SULF1: variants seen among roughly 807,000 people sequenced by gnomAD.
The protein encoded by SULF1 is sulfatase 1, also known as extracellular sulfatase Sulf-1.
Under a neutral mutation model 110.5 loss-of-function variants are expected in SULF1, and 46 were observed. The ratio of observed to expected loss-of-function variants is 0.42; its 90% CI spans 0.33 to 0.53. The LOEUF is 0.53. Among genes scored for constraint, SULF1 ranks in the 20% least tolerant of loss-of-function variants. The pLI is 0.12. For missense variants in SULF1, 941 were observed against 1,094.2 expected, an observed-to-expected ratio of 0.86 and a Z score of 1.98; for synonymous variants, 371 against 387.1, an observed-to-expected ratio of 0.96 and a Z score of 0.49.
At chr8:69,623,050 T>C (rs892981720) in intron 14 of SULF1, among the ~76,000 whole-genome samples, 9 of 152,180 alleles carry the variant, frequency 5.9e-5, no homozygotes, top group African/African-American at 1.9e-4. Context: ...CATCTAGTGT[T>C]TGTGCATTAA....
At chr8:69,633,984 G>A (rs7831688) in intron 19 of SULF1, among the ~76,000 whole-genome samples, 81,133 of 152,026 alleles carry the variant, frequency 0.53, 22,287 homozygotes, top group Middle Eastern at 0.6. Context: ...TTTGGGTTCC[G>A]TGGTTTTTAA....
At chr8:69,648,154 CAA>C (rs1196458576) in intron 22 of SULF1, among the ~76,000 whole-genome samples, 2 of 137,198 alleles carry the variant, frequency 1.5e-5, no homozygotes, top group East Asian at 2.1e-4. Context: ...AAAAAAAAAA[CAA>C]AGAGCTCAGC....
intron 22 of SULF1, among the ~76,000 whole-genome samples, chr8:69,650,163 T>A (rs1260259809): frequency 3.3e-5 from 5 of 151,586 alleles, no homozygotes; most frequent in Non-Finnish European, 7.4e-5. Flanking sequence ...ACTCAGCTAA[T>A]TTTTAAAAAT....
chr8:69,658,530 G>A lies in SULF1; in HGVS notation c.2611G>A (p.Gly871Ser). Residue 871 changes from glycine (G) to serine (S), a missense_variant, in exon 23 of 23, where the codon GGT becomes AGT. Transcript: ENST00000402687. ...HRGQLWDGWE[G>S] is the part of the protein sequence containing the mutation. ...AGGACAGTTATGGGATGGATGGGAA[G>A]GTTAATCAGCCCCGTCTCACTGCAG... 6.2e-7 allele frequency: 1 copy of A among 1,609,634 alleles called. No homozygotes were observed. Among genetic ancestry groups the A allele is most frequent in the Middle Eastern group, 1.7e-4 (1 of 5,860 alleles).
At chr8:69,558,772 A>G (rs1055963476) in intron 3 of SULF1, among the ~76,000 whole-genome samples, 3 of 152,208 alleles carry the variant, frequency 2.0e-5, no homozygotes, top group African/African-American at 7.2e-5. Context: ...GTATCCCTTT[A>G]TATAATTAAA....
chr8:69,657,660 T>C (rs531199179), intron 22 of SULF1, among the ~76,000 whole-genome samples: 2 of 152,324 alleles, frequency 1.3e-5, no homozygotes, highest in South Asian at 2.1e-4. Context: ...CTCTATCTTC[T>C]AGCTAGACCG....
intron 1 of SULF1, among the ~76,000 whole-genome samples, chr8:69,484,647 A>G (rs1309583428): frequency 2.6e-5 from 4 of 152,210 alleles, no homozygotes; most frequent in African/African-American, 9.6e-5. Context: ...TTTTTAGATT[A>G]TAATCTATAG....
At chr8:69,508,725 TAAA>T (rs1031389171) in intron 3 of SULF1, among the ~76,000 whole-genome samples, 5 of 152,194 alleles carry the variant, frequency 3.3e-5, no homozygotes, top group African/African-American at 1.2e-4. Context: ...ATTTTTGCAT[TAAA>T]AACTGTATTT....
chr8:69,538,341 A>G (rs1423387668), intron 3 of SULF1, among the ~76,000 whole-genome samples: 1 of 142,330 alleles, frequency 7.0e-6, no homozygotes, highest in East Asian at 2.1e-4. Flanking sequence ...CCTTCTATGC[A>G]ATGCCATGAA....
upstream of SULF1, among the ~76,000 whole-genome samples, chr8:69,490,342 T>TCCA (rs371840330): frequency 4.6e-5 from 7 of 152,134 alleles, no homozygotes; most frequent in African/African-American, 1.7e-4. Flanking sequence ...GCTCAAGCAA[T>TCCA]CCACCCGCCT....
intron 22 of SULF1, 137 bp from the exon 23 acceptor site, chr8:69,658,368 C>A (rs527864014): frequency 3.1e-6 from 2 of 639,986 alleles, no homozygotes; most frequent in Non-Finnish European, 5.5e-6. Context: ...TCTGTGATAA[C>A]AAATGACTAG....
chr8:69,617,389 A>G (rs1333362057), intron 13 of SULF1, among the ~76,000 whole-genome samples: 1 of 4,064 alleles, frequency 2.5e-4, no homozygotes, highest in Non-Finnish European at 4.3e-4. Context: ...ATATATATAT[A>G]TATATATATA....
intron 19 of SULF1, among the ~76,000 whole-genome samples, chr8:69,633,896 G>A (rs757766676): frequency 1.2e-4 from 18 of 151,960 alleles, no homozygotes; most frequent in Non-Finnish European, 2.4e-4. Flanking sequence ...CAAAGGTATT[G>A]TATTTGTATA....
intron 3 of SULF1, among the ~76,000 whole-genome samples, chr8:69,510,461 A>G (rs1028793878): frequency 1.3e-5 from 2 of 152,244 alleles, no homozygotes; most frequent in African/African-American, 4.8e-5. Context: ...TCTGAAGATT[A>G]GATGATTTCA....
chr8:69,470,242 A>G (rs1252518388), intron 1 of SULF1, among the ~76,000 whole-genome samples: 1 of 152,166 alleles, frequency 6.6e-6, no homozygotes, highest in Non-Finnish European at 1.5e-5. Context: ...ACCAGACTCT[A>G]AATAGATGGT....
intron 8 of SULF1, among the ~76,000 whole-genome samples, chr8:69,596,588 A>T (rs1023919864): frequency 6.6e-6 from 1 of 152,140 alleles, no homozygotes; most frequent in African/African-American, 2.4e-5. Context: ...GGAAGAAAGG[A>T]TATATCAATT....
At chr8:69,559,842 T>C (rs1384798308) in intron 3 of SULF1, among the ~76,000 whole-genome samples, 4 of 152,166 alleles carry the variant, frequency 2.6e-5, no homozygotes, top group Non-Finnish European at 4.4e-5. Context: ...TTTAATAAAA[T>C]TAGTGGTTTT....
At chr8:69,615,660 G>C (rs140310161) in intron 13 of SULF1, among the ~76,000 whole-genome samples, 1 of 152,072 alleles carries the variant, frequency 6.6e-6, no homozygotes, top group Admixed American at 6.6e-5. Context: ...ATTTGATTTC[G>C]TATGATACAT....
intron 8 of SULF1, among the ~76,000 whole-genome samples, chr8:69,590,262 A>G (rs1056401609): frequency 6.6e-6 from 1 of 152,086 alleles, no homozygotes; most frequent in Non-Finnish European, 1.5e-5. Flanking sequence ...CCTGGGTTCA[A>G]ACAATTCTCC....
Sources: gnomAD v4.1 joint callset for allele counts (sites outside exome capture counted in the v4.1 genomes callset) on GRCh38, gnomAD v4.1.1 for gene constraint, MANE v1.5 for transcripts, NCBI Gene and HGNC (gene_info 2026-07-23, HGNC 2026-07-21) for gene names.